SFI1: variants seen among roughly 807,000 people sequenced by gnomAD.
SFI1 encodes the protein SFI1 centrin binding protein.
In SFI1, 195 loss-of-function variants were observed where a neutral mutation model predicts 207.5. That is an observed-to-expected ratio of 0.94 (90% confidence interval 0.84 to 1.06). The LOEUF (loss-of-function observed/expected upper bound fraction) is 1.06. SFI1 is among the 50% of genes least tolerant of loss of function. The pLI is 0.00. For missense variants in SFI1, 1,634 were observed against 1,588.0 expected (o/e 1.03, Z -0.49); for synonymous variants, 630 against 598.9 (o/e 1.05, Z -0.76).
At position 31,551,230 on chromosome 22, in the gene SFI1, C is replaced by T. The variant is rs117842009; in HGVS notation, c.544+882C>T. Among the ~76,000 whole-genome samples the T allele has an allele frequency of 6.1e-3, 922 of 152,228 alleles. 2 individuals carry two copies. Among genetic ancestry groups the T allele is most frequent in the Non-Finnish European group, 0.011 (719 of 68,032 alleles). On this transcript the variant is annotated intron_variant, in intron 6 of 32. Coordinates refer to ENST00000400288, the MANE Select transcript of SFI1 (RefSeq NM_001007467.3). ...TAGATAAGATCATGACACTCCTTTA[C>T]GTAAAGTTAACCCTGCTTGGTATGT...
chr22:31,547,772 AC>A (rs1215709583), intron 5 of SFI1, among the ~76,000 whole-genome samples: 4 of 150,018 alleles, frequency 2.7e-5, no homozygotes, highest in Non-Finnish European at 5.9e-5. Context: ...GGCATGTGCC[AC>A]CACGCCTGTA....
intron 7 of SFI1, chr22:31,559,820 C>T (rs1278045787): frequency 2.8e-6 from 2 of 701,908 alleles, no homozygotes; most frequent in East Asian, 2.8e-5. Flanking sequence ...TGTGGAGCGA[C>T]TGAAGAAGAT....
chr22:31,613,695 G>A lies in SFI1; in HGVS notation c.2836G>A (p.Ala946Thr). ...GGGCGGGAAGCCTCAGCCCCTGGCA[G>A]CCATCGCACCCAGCAGGAAAGTGAC... ...GRGGKPQPLAAIAPSRKVTFE... is the reference protein window; with the variant it reads ...GRGGKPQPLATIAPSRKVTFE... Residue 946 changes from alanine (A) to threonine (T), a missense_variant, in exon 27 of 33, where the codon GCC becomes ACC. By Grantham distance (58) the Ala-to-Thr change is moderately conservative. Coordinates refer to ENST00000400288, the MANE Select transcript of SFI1 (RefSeq NM_001007467.3). 2 of 1,612,058 alleles carry A rather than the reference G, an allele frequency of 1.2e-6. No homozygotes were observed. The highest frequency in any genetic ancestry group is 1.7e-6 in the Non-Finnish European group (2 of 1,179,272).
In SFI1 at chr22:31,546,628, C is replaced by CTTTTT. The variant is rs1023474233; in HGVS notation, c.339-217_339-213dup. 1.5e-4 allele frequency among the ~76,000 whole-genome samples: 18 copies of CTTTTT among 120,198 alleles called. No homozygotes were observed. In the East Asian group the frequency reaches 1.7e-3, roughly 11 times the overall value. The allele number at this position is 120,198 out of a possible 152,430, so 78.9% of individuals were successfully genotyped here. ...AGGCACTGCGCCCGACCGATGTTTA[C>CTTTTT]TTTTTTTTTTTTTTTTTTTTAGTAG... On this transcript the variant is annotated intron_variant, in intron 4 of 32. Transcript: ENST00000400288.
intron 8 of SFI1, among the ~76,000 whole-genome samples, chr22:31,567,079 G>T (rs968334901): frequency 3.3e-5 from 5 of 151,984 alleles, no homozygotes; most frequent in African/African-American, 1.2e-4. Context: ...CTAATTTTTT[G>T]TATTTTTAGT....
intron 4 of SFI1, among the ~76,000 whole-genome samples, chr22:31,546,648 T>TA (rs1555985714): frequency 6.9e-6 from 1 of 145,770 alleles, no homozygotes; most frequent in Admixed American, 6.9e-5. Flanking sequence ...TTTTTTTTTT[T>TA]AGTAGAGACG....
intron 8 of SFI1, among the ~76,000 whole-genome samples, chr22:31,563,315 T>C (rs1290531021): frequency 2.0e-5 from 3 of 151,928 alleles, no homozygotes; most frequent in African/African-American, 4.8e-5. Flanking sequence ...ATAATCACCA[T>C]GCAGTATTGT....
chr22:31,518,351 C>G (rs1264746283), intron 2 of SFI1, among the ~76,000 whole-genome samples: 1 of 152,126 alleles, frequency 6.6e-6, no homozygotes, highest in Non-Finnish European at 1.5e-5. Context: ...GTGGGAAAAA[C>G]TGACATCTGT....
At chr22:31,590,664 C>G (rs969082949) in intron 15 of SFI1, among the ~76,000 whole-genome samples, 18 of 151,104 alleles carry the variant, frequency 1.2e-4, no homozygotes, top group Middle Eastern at 3.4e-3. Flanking sequence ...GCCACCATGC[C>G]CAGCTAATTT....
intron 12 of SFI1, 86 bp downstream of exon 12, chr22:31,580,450 A>T: frequency 8.8e-7 from 1 of 1,140,824 alleles, no homozygotes. Flanking sequence ...ATTAAGCAGA[A>T]CTCTTTTTAA....
Position 31,618,107 on chromosome 22 carries a change from C to T in SFI1, c.3513-8C>T. The T allele has an allele frequency of 1.9e-6, 3 of 1,562,612 alleles. No homozygotes were observed. Among genetic ancestry groups the T allele is most frequent in the Non-Finnish European group, 2.6e-6 (3 of 1,154,348 alleles). On this transcript the variant is annotated splice_region_variant and splice_polypyrimidine_tract_variant and intron_variant, in intron 31 of 32. Transcript: ENST00000400288. ...GCCTGGCAGGCAGTGGGTATCTCCA[C>T]CCCTCAGGTCCTGTCGGCGGCAAGC...
In SFI1 at chr22:31,559,376, T is replaced by C. The variant is rs531897475; in HGVS notation, c.663-1914T>C. On this transcript the variant is annotated intron_variant, in intron 7 of 32. Coordinates refer to ENST00000400288, the MANE Select transcript of SFI1 (RefSeq NM_001007467.3). ...AGGCAGACGTTGCAGTGAGTCGAGATTGTGCCACTCCACTGCACCCTGGGC... is the reference window on the plus strand; with the variant it reads ...AGGCAGACGTTGCAGTGAGTCGAGACTGTGCCACTCCACTGCACCCTGGGC... 8 of 267,294 alleles carry C rather than the reference T, an allele frequency of 3.0e-5. No homozygotes were observed. In the South Asian group the frequency reaches 3.2e-4, roughly 11 times the overall value. 16.6% of individuals were successfully genotyped at this position (267,294 alleles called of 1,614,324 possible).
In SFI1 at chr22:31,508,249, T is replaced by G. The variant is rs766593765; in HGVS notation, c.-30-6T>G. 6.9e-7 allele frequency: 1 copy of G among 1,443,934 alleles called. No homozygotes were observed. The highest frequency in any genetic ancestry group is 1.1e-5 in the South Asian group (1 of 87,440). 89.4% of individuals were successfully genotyped at this position (1,443,934 alleles called of 1,614,324 possible). On this transcript the variant is annotated splice_polypyrimidine_tract_variant and splice_region_variant and intron_variant, in intron 1 of 32. Transcript: ENST00000400288. The stretch of plus-strand genomic sequence containing the variant: ...TTCTCTCTTTTTTATTCTCTTTTTC[T>G]TGTAGTTAGAAGGGGAAGATAAAAG...
chr22:31,613,254 C>T (rs539769195), intron 25 of SFI1, 38 bp downstream of exon 25: 6 of 1,612,916 alleles, frequency 3.7e-6, no homozygotes, highest in South Asian at 1.1e-5. Context: ...CCTGCCTCTC[C>T]CTCAGGCCTT....
chr22:31,603,193 G>A (rs1466721094), intron 17 of SFI1, among the ~76,000 whole-genome samples: 4 of 152,164 alleles, frequency 2.6e-5, no homozygotes, highest in African/African-American at 4.8e-5. Context: ...AGATGGCACC[G>A]CTACACTCCA....
At chr22:31,527,959 C>T (rs1485306214) in intron 2 of SFI1, among the ~76,000 whole-genome samples, 1 of 151,654 alleles carries the variant, frequency 6.6e-6, no homozygotes, top group Non-Finnish European at 1.5e-5. Flanking sequence ...AATAAAAATA[C>T]AAAACTTAGC....
intron 10 of SFI1, chr22:31,577,813 GAGACC>G (rs1225020097): frequency 6.6e-6 from 1 of 152,300 alleles, no homozygotes; most frequent in Non-Finnish European, 1.5e-5. Context: ...GCACTGGTGG[GAGACC>G]AGTTATGGGA....
At chr22:31,510,877 C>G (rs1488799506) in intron 2 of SFI1, among the ~76,000 whole-genome samples, 2 of 152,014 alleles carry the variant, frequency 1.3e-5, no homozygotes, top group African/African-American at 4.8e-5. Context: ...GGTAAATGTC[C>G]TCTCTTTCAT....
At chr22:31,585,736 A>G (rs2064952342) in intron 14 of SFI1, among the ~76,000 whole-genome samples, 1 of 152,172 alleles carries the variant, frequency 6.6e-6, no homozygotes, top group South Asian at 2.1e-4. Flanking sequence ...GTGTGACCTT[A>G]CAAGCCCGTT....
Sources: allele counts gnomAD v4.1 joint callset (sites outside exome capture counted in the v4.1 genomes callset), GRCh38; gene constraint gnomAD v4.1.1; transcripts MANE v1.5; gene names NCBI Gene and HGNC (gene_info 2026-07-23, HGNC 2026-07-21).